KCNK10: variants seen among roughly 807,000 people sequenced by gnomAD.
KCNK10 encodes the protein potassium channel subfamily K member 10.
Under a neutral mutation model 47.7 loss-of-function variants are expected in KCNK10, and 25 were observed. The ratio of observed to expected loss-of-function variants is 0.52; its 90% confidence interval spans 0.38 to 0.73. KCNK10 has a LOEUF of 0.73. Ranked by LOEUF, KCNK10 falls within the 30% of genes least tolerant of loss-of-function variation. The probability of loss-of-function intolerance (pLI) is 0.00; values close to 1 mark genes in which losing one functional copy is unlikely to be tolerated. For missense variants in KCNK10, 563 were observed against 714.5 expected (o/e 0.79, Z 2.42); for synonymous variants, 303 against 285.6 (o/e 1.06, Z -0.61).
In KCNK10 at chr14:88,260,503, A is replaced by T. The variant is rs1183802513; in HGVS notation, c.402+2699T>A. 6.6e-6 allele frequency among the ~76,000 whole-genome samples: 1 copy of T among 152,234 alleles called. No individual in the cohort carries two copies. Among genetic ancestry groups the T allele is most frequent in the Admixed American group, 6.5e-5 (1 of 15,290 alleles). ...AGCATTCAACATAAAGCACAAGTTTAAAAGAGACTGGAGCTTATTATAAAC... is the reference window on the plus strand; with the variant it reads ...AGCATTCAACATAAAGCACAAGTTTTAAAGAGACTGGAGCTTATTATAAAC... On this transcript the variant is annotated intron_variant, in intron 2 of 6. Transcript: ENST00000319231. This position sits in a 1 kb window ranked among gnomAD's most constrained non-coding sequence, Gnocchi z 4.5.
chr14:88,187,880 C>T lies in KCNK10; in HGVS notation c.1011+87G>A, dbSNP rs113538497. 6 of 1,479,824 alleles carry T rather than the reference C, an allele frequency of 4.1e-6. No individual in the cohort carries two copies. The African/African-American group carries it at 5.6e-5, about 14-fold the overall frequency. The allele number at this position is 1,479,824 out of a possible 1,614,324, so 91.7% of individuals were successfully genotyped here. A position where few individuals can be genotyped will look rare whatever the true frequency, so the allele number is the denominator to read the frequency against. ...CCCCTGCAAAACCGAGCCAGAAACA[C>T]TCCAGCCCACAGGACAGAGACAGGC... is the stretch of plus-strand genomic sequence containing the variant. On this transcript the variant is annotated intron_variant, in intron 6 of 6. Transcript: ENST00000319231.
intron 3 of KCNK10, among the ~76,000 whole-genome samples, chr14:88,230,294 TA>T (rs2139876315): frequency 6.6e-6 from 1 of 152,228 alleles, no homozygotes; most frequent in South Asian, 2.1e-4. Flanking sequence ...TGTTCTCCCA[TA>T]GCACCCACAG....
In KCNK10 at chr14:88,194,767, A is replaced by G. The variant is rs562539449; in HGVS notation, c.682-2357T>C. Among the ~76,000 whole-genome samples the G allele has an allele frequency of 3.9e-5, 6 of 152,268 alleles. No individual in the cohort carries two copies. In the South Asian group the frequency reaches 8.3e-4, roughly 21 times the overall value. On this transcript the variant is annotated intron_variant, in intron 4 of 6. Transcript: ENST00000319231. ...CAAGGTAAACATTTCACCACTACTC[A>G]TTGCCCCGGCTAACAAGTGTGTTCC...
At chr14:88,222,394 A>G (rs995083044) in intron 4 of KCNK10, among the ~76,000 whole-genome samples, 3 of 152,212 alleles carry the variant, frequency 2.0e-5, no homozygotes, top group African/African-American at 7.2e-5. Context: ...GGTTAGGAGA[A>G]CGGGATTGAT....
intron 2 of KCNK10, among the ~76,000 whole-genome samples, chr14:88,250,660 G>C (rs1251136941): frequency 6.6e-6 from 1 of 152,104 alleles, no homozygotes; most frequent in African/African-American, 2.4e-5. Context: ...CCCTAAATAG[G>C]GAAATACGTA....
intron 5 of KCNK10, 148 bp downstream of exon 5, chr14:88,192,075 AT>A (rs2139827332): frequency 2.9e-6 from 2 of 700,562 alleles, no homozygotes; most frequent in East Asian, 2.8e-5. Context: ...AGGACTAGGG[AT>A]TTGAAATGAG....
chr14:88,269,214 T>C (rs1193453599), intron 1 of KCNK10, among the ~76,000 whole-genome samples: 1 of 152,192 alleles, frequency 6.6e-6, no homozygotes, highest in East Asian at 1.9e-4. Flanking sequence ...GGAAATCTGC[T>C]TTTTCATGGT....
intron 1 of KCNK10, among the ~76,000 whole-genome samples, chr14:88,287,179 G>C (rs1359699705): frequency 6.6e-6 from 1 of 152,126 alleles, no homozygotes; most frequent in African/African-American, 2.4e-5. Flanking sequence ...TCTGACACAG[G>C]ACACTAGATG....
intron 1 of KCNK10, among the ~76,000 whole-genome samples, chr14:88,267,388 T>G (rs1887290548): frequency 6.6e-6 from 1 of 151,706 alleles, no homozygotes; most frequent in African/African-American, 2.4e-5. Flanking sequence ...TTTTTTTTTT[T>G]GAGACGGAGT....
At chr14:88,190,652 A>G (rs866787215) in intron 5 of KCNK10, among the ~76,000 whole-genome samples, 46 of 152,132 alleles carry the variant, frequency 3.0e-4, no homozygotes, top group Middle Eastern at 3.2e-3. Context: ...AAAAAACTAA[A>G]TTTAGTCACT....
At chr14:88,308,842 ACAGCAT>A (rs1888255269) in intron 1 of KCNK10, among the ~76,000 whole-genome samples, 1 of 152,216 alleles carries the variant, frequency 6.6e-6, no homozygotes, top group Admixed American at 6.5e-5. Flanking sequence ...ACCACCTTTG[ACAGCAT>A]CAGCACCCAT....
chr14:88,216,654 T>G (rs1566688710), intron 4 of KCNK10, among the ~76,000 whole-genome samples: 1 of 152,210 alleles, frequency 6.6e-6, no homozygotes, highest in African/African-American at 2.4e-5. Flanking sequence ...GTCTGTTTTG[T>G]GGATGTCATA....
chr14:88,286,678 C>T (rs1232228061), intron 1 of KCNK10, among the ~76,000 whole-genome samples: 2 of 152,172 alleles, frequency 1.3e-5, no homozygotes, highest in East Asian at 1.9e-4. Flanking sequence ...GTGAAAGGCA[C>T]GTCTTTCTTG....
rs117004957 is a variant in KCNK10, at chr14:88,295,309, G to A, written c.52+27438C>T. 4.5e-3 allele frequency among the ~76,000 whole-genome samples: 690 copies of A among 152,302 alleles called. 5 individuals carry two copies. Among genetic ancestry groups the A allele is most frequent in the Non-Finnish European group, 7.6e-3 (518 of 68,030 alleles). On this transcript the variant is annotated intron_variant, in intron 1 of 6. Transcript: ENST00000319231. ...GAATAGCCACCTTGGACATTTGAAA[G>A]CTTGGGCTCTTTCTCATAATTTGCA...
chr14:88,293,078 C>T (rs1338311288), intron 1 of KCNK10, among the ~76,000 whole-genome samples: 1 of 152,124 alleles, frequency 6.6e-6, no homozygotes, highest in Non-Finnish European at 1.5e-5. Context: ...TCTGGTGTAT[C>T]ATCCAGGGTT....
At chr14:88,246,845 G>A (rs1484904562) in intron 2 of KCNK10, among the ~76,000 whole-genome samples, 2 of 152,212 alleles carry the variant, frequency 1.3e-5, no homozygotes, top group African/African-American at 4.8e-5. Context: ...TTCCATACAA[G>A]GTTGTTGTCA....
intron 1 of KCNK10, among the ~76,000 whole-genome samples, chr14:88,287,960 C>T (rs1887802129): frequency 6.6e-6 from 1 of 152,138 alleles, no homozygotes; most frequent in East Asian, 1.9e-4. Flanking sequence ...TTCCCAGCAG[C>T]AGTGTAGAAG....
intron 1 of KCNK10, among the ~76,000 whole-genome samples, chr14:88,314,751 G>A (rs1364817097): frequency 2.6e-5 from 4 of 152,174 alleles, no homozygotes; most frequent in African/African-American, 9.7e-5. Context: ...GCAACTGTGA[G>A]AACAGCACAA....
At chr14:88,202,465 C>CATAATT (rs1242712679) in intron 4 of KCNK10, among the ~76,000 whole-genome samples, 4 of 152,204 alleles carry the variant, frequency 2.6e-5, no homozygotes, top group African/African-American at 7.2e-5. Context: ...AGCATGTGAC[C>CATAATT]CAGGCTTTCC....
Sources: gnomAD v4.1 joint callset for allele counts (sites outside exome capture counted in the v4.1 genomes callset) on GRCh38, gnomAD v4.1.1 for gene constraint, Gnocchi (gnomAD v3.1) non-coding constraint, MANE v1.5 for transcripts, NCBI Gene and HGNC (gene_info 2026-07-23, HGNC 2026-07-21) for gene names.